HS6ST2: variants seen among roughly 807,000 people sequenced by gnomAD.
The protein encoded by HS6ST2 is heparan-sulfate 6-O-sulfotransferase 2.
HS6ST2 carries 17 observed loss-of-function variants against 33.0 expected under a neutral mutation model. The ratio of observed to expected loss-of-function variants is 0.52; its 90% CI spans 0.35 to 0.77. HS6ST2 has a LOEUF of 0.77. Among genes scored for constraint, HS6ST2 ranks in the 30% least tolerant of loss-of-function variants. The pLI is 0.01. For missense variants in HS6ST2, 519 were observed against 551.7 expected (o/e 0.94, Z 0.59); for synonymous variants, 248 against 237.1 (o/e 1.05, Z -0.42).
At chrX:132,721,716 T>C (rs1320882533) in intron 2 of HS6ST2, among the ~76,000 whole-genome samples, 1 of 112,219 alleles carries the variant, frequency 8.9e-6, no homozygotes, top group East Asian at 2.8e-4. Context: ...GGTTTTCTAG[T>C]GTGAACCCAA....
At chrX:132,785,326 G>T (rs2065051774) in intron 2 of HS6ST2, among the ~76,000 whole-genome samples, 1 of 111,963 alleles carries the variant, frequency 8.9e-6, no homozygotes. Flanking sequence ...TGAGGCTCAA[G>T]TGTGGCCTTG....
intron 2 of HS6ST2, among the ~76,000 whole-genome samples, chrX:132,712,013 T>A (rs973916203): frequency 1.8e-5 from 2 of 111,576 alleles, no homozygotes; most frequent in Non-Finnish European, 3.8e-5. Context: ...GAGAAGGAAG[T>A]TGTTAAGAAA....
chrX:132,894,697 C>T (rs2066356993), intron 2 of HS6ST2, among the ~76,000 whole-genome samples: 1 of 109,999 alleles, frequency 9.1e-6, no homozygotes, highest in South Asian at 3.9e-4. Flanking sequence ...CCACCATGTC[C>T]GACTAATTTT....
At chrX:132,794,999 T>A (rs900595452) in intron 2 of HS6ST2, among the ~76,000 whole-genome samples, 8 of 110,462 alleles carry the variant, frequency 7.2e-5, no homozygotes, top group Non-Finnish European at 1.3e-4. Context: ...CCAGTTTGAT[T>A]CCCTAAGAAC....
At chrX:132,834,856 A>G (rs537469646) in intron 2 of HS6ST2, among the ~76,000 whole-genome samples, 1 of 111,873 alleles carries the variant, frequency 8.9e-6, no homozygotes, top group East Asian at 2.8e-4. Context: ...ATTCAAATAC[A>G]TTTTTGGCAA....
At chrX:132,948,466 C>T (rs755778924) in intron 2 of HS6ST2, among the ~76,000 whole-genome samples, 41 of 112,046 alleles carry the variant, frequency 3.7e-4, no homozygotes, top group Non-Finnish European at 6.4e-4. Flanking sequence ...TATTTTGAAT[C>T]GGCGTGTGTG....
At chrX:132,831,577 C>T (rs2065590254) in intron 2 of HS6ST2, among the ~76,000 whole-genome samples, 1 of 111,642 alleles carries the variant, frequency 9.0e-6, no homozygotes, top group South Asian at 3.8e-4. Flanking sequence ...GTTCTCAGAA[C>T]CGAGATACTT....
At chrX:132,839,295 T>TACAC (rs2065682251) in intron 2 of HS6ST2, among the ~76,000 whole-genome samples, 1 of 72,003 alleles carries the variant, frequency 1.4e-5, no homozygotes, top group East Asian at 5.2e-4. Flanking sequence ...TATATATATA[T>TACAC]ATATATATAT....
At chrX:132,774,916 A>G (rs1294980598) in intron 2 of HS6ST2, among the ~76,000 whole-genome samples, 1 of 110,634 alleles carries the variant, frequency 9.0e-6, no homozygotes, top group Non-Finnish European at 1.9e-5. Context: ...TCTGACCTCA[A>G]GAGATCTTCC....
intron 2 of HS6ST2, among the ~76,000 whole-genome samples, chrX:132,906,679 AT>A (rs777690923): frequency 9.2e-6 from 1 of 108,291 alleles, no homozygotes; most frequent in South Asian, 4.1e-4. Context: ...TCAAGAAGTG[AT>A]TTTTTTTTCT....
At position 132,669,053 on chromosome X, in the gene HS6ST2, A is replaced by G. The variant is rs2063834894; in HGVS notation, c.1067+60T>C. The G allele has an allele frequency of 2.5e-5, 18 of 721,065 alleles. No homozygotes were observed. In the East Asian group the frequency reaches 5.9e-4, roughly 24 times the overall value. 59.4% of individuals were successfully genotyped at this position (721,065 alleles called of 1,213,427 possible). A position where few individuals can be genotyped will look rare whatever the true frequency, so the allele number is the denominator to read the frequency against. On this transcript the variant is annotated intron_variant, in intron 4 of 4. Coordinates refer to ENST00000370833, the MANE Select transcript of HS6ST2 (RefSeq NM_001394073.1). ...ATGAATATGAATAAATGACAAAAGG[A>G]GGACAGCACTTGACTTTTTGACAGC...
intron 2 of HS6ST2, among the ~76,000 whole-genome samples, chrX:132,772,120 G>C (rs1054388318): frequency 1.8e-5 from 2 of 111,701 alleles, no homozygotes; most frequent in African/African-American, 6.5e-5. Flanking sequence ...CCTGGTCATG[G>C]ACTGAAATCA....
chrX:132,948,970 C>T (rs1157295965), intron 2 of HS6ST2, among the ~76,000 whole-genome samples: 1 of 111,885 alleles, frequency 8.9e-6, no homozygotes, highest in Non-Finnish European at 1.9e-5. Flanking sequence ...ATGCACCTCA[C>T]TATATGTGCA....
chrX:132,628,999 G>C lies in HS6ST2; in HGVS notation c.1162C>G (p.Leu388Val). The change falls in exon 5 of 5, where the codon CTG becomes GTG. Residue 388 changes from leucine to valine, a missense_variant. Leu to Val is a conservative substitution (Grantham distance 32, BLOSUM62 1). Transcript: ENST00000370833. ...VQRGATWKAS[L>V]HVCDGRPPTS... The stretch of plus-strand genomic sequence containing the variant: ...GGAGGCCTTCCATCGCAGACATGCA[G>C]GGATGCTTTCCATGTTGCCCCTCTC... 5 of 1,208,291 alleles carry C rather than the reference G, an allele frequency of 4.1e-6. No homozygotes were observed. The highest frequency in any genetic ancestry group is 5.6e-6 in the Non-Finnish European group (5 of 893,805).
intron 2 of HS6ST2, among the ~76,000 whole-genome samples, chrX:132,753,055 T>C (rs1435403831): frequency 2.7e-5 from 3 of 111,806 alleles, no homozygotes; most frequent in African/African-American, 9.7e-5. Context: ...CTCATGGCTT[T>C]GCTTGGCAGG....
chrX:132,936,091 TTATACTGAACA>T (rs2066820217), intron 2 of HS6ST2, among the ~76,000 whole-genome samples: 1 of 108,888 alleles, frequency 9.2e-6, no homozygotes, highest in Non-Finnish European at 1.9e-5. Flanking sequence ...TAAACAGAAC[TTATACTGAACA>T]AAAAGAGAAA....
rs1050591022 is a variant in HS6ST2, at chrX:132,958,593, G to C, written c.10C>G (p.Pro4Ala). The C allele has an allele frequency of 8.5e-7, 1 of 1,172,292 alleles. No homozygotes were observed. The highest frequency in any genetic ancestry group is 2.4e-4 in the Middle Eastern group (1 of 4,191). ...TCGAACTCCCGGACTGCACACGCAG[G>C]CAGTGCCATTCCCCCCTTCAGGCAA... is the stretch of plus-strand genomic sequence containing the variant. MAL[P>A]ACAVREFEPP... Residue 4 changes from proline (P) to alanine (A), a missense_variant, in exon 1 of 5, where the codon CCT becomes GCT. Transcript: ENST00000370833.
At chrX:132,818,794 C>T (rs2065421284) in intron 2 of HS6ST2, among the ~76,000 whole-genome samples, 1 of 111,848 alleles carries the variant, frequency 8.9e-6, no homozygotes, top group Non-Finnish European at 1.9e-5. Context: ...TCCATTCCAC[C>T]AGACTGTTGA....
chrX:132,868,878 A>G (rs1006483448), intron 2 of HS6ST2, among the ~76,000 whole-genome samples: 4 of 111,291 alleles, frequency 3.6e-5, no homozygotes, highest in African/African-American at 9.8e-5. Context: ...GAACTAGAGA[A>G]GCAAGAGCAA....
Sources: gnomAD v4.1 joint callset for allele counts (sites outside exome capture counted in the v4.1 genomes callset) on GRCh38, gnomAD v4.1.1 for gene constraint, MANE v1.5 for transcripts, NCBI Gene and HGNC (gene_info 2026-07-23, HGNC 2026-07-21) for gene names.